The following ECPAS variants were observed in gnomAD, a reference collection of about 807,000 sequenced individuals.
The protein encoded by ECPAS is Ecm29 proteasome adaptor and scaffold, also known as proteasome adapter and scaffold protein ECM29.
ECPAS carries 70 observed loss-of-function variants against 255.1 expected under a neutral mutation model. The observed-to-expected ratio is 0.27, with a 90% CI of 0.23 to 0.33. The LOEUF (loss-of-function observed/expected upper bound fraction) is 0.33, where lower values mean the gene tolerates loss of function less well. Among genes scored for constraint, ECPAS ranks in the 10% least tolerant of loss-of-function variants. ECPAS has a pLI of 1.00. For synonymous variants in ECPAS, 784 were observed against 775.0 expected (o/e 1.01, Z -0.19); for missense variants, 1,817 against 2,206.4 (o/e 0.82, Z 3.54).
intron 7 of ECPAS, among the ~76,000 whole-genome samples, chr9:111,435,427 T>C (rs1037162033): frequency 1.3e-5 from 2 of 152,142 alleles, no homozygotes; most frequent in Non-Finnish European, 1.5e-5. Context: ...CAATTTAAGA[T>C]TGTAATTGAA....
Position 111,414,490 on chromosome 9 carries a change from C to G in ECPAS, c.1926G>C (p.Gly642=). 1 of 1,613,858 alleles carries G rather than the reference C, an allele frequency of 6.2e-7. No individual in the cohort carries two copies. Among genetic ancestry groups the G allele is most frequent in the Non-Finnish European group, 8.5e-7 (1 of 1,179,828 alleles). The part of the protein sequence containing the change: ...QMAPSSSNKS[G]ETNPVQIYIG... The stretch of plus-strand genomic sequence containing the variant: ...TGTAGATCTGGACAGGGTTAGTCTC[C>G]CCACTCTTGTTAGATGATGAGGGTG... The change falls in exon 19 of 50, where the codon GGG becomes GGC. Residue 642 remains glycine (G), a synonymous_variant. Coordinates refer to ENST00000684092, the MANE Select transcript of ECPAS (RefSeq NM_001364929.1).
intron 26 of ECPAS, 78 bp downstream of exon 26, chr9:111,394,082 C>A: frequency 7.4e-7 from 1 of 1,354,842 alleles, no homozygotes; most frequent in Non-Finnish European, 9.9e-7. Context: ...GGTTAATGAC[C>A]TTCACCCTCA....
intron 25 of ECPAS, among the ~76,000 whole-genome samples, chr9:111,395,132 C>G (rs764395504): frequency 6.6e-6 from 1 of 152,156 alleles, no homozygotes; most frequent in Non-Finnish European, 1.5e-5. Context: ...CCTCATTGAT[C>G]ACATTACTCC....
At chr9:111,395,944 A>T (rs374219514) in intron 25 of ECPAS, among the ~76,000 whole-genome samples, 22 of 152,338 alleles carry the variant, frequency 1.4e-4, no homozygotes, top group African/African-American at 5.3e-4. Flanking sequence ...AACTCTCATT[A>T]CAGTGCAAGC....
intron 4 of ECPAS, among the ~76,000 whole-genome samples, chr9:111,443,927 C>A (rs931192960): frequency 9.2e-5 from 14 of 152,188 alleles, no homozygotes; most frequent in African/African-American, 3.1e-4. Flanking sequence ...TAAAAAAGAT[C>A]TTTCTGAATA....
chr9:111,394,232 T>C lies in ECPAS; in HGVS notation c.2850A>G (p.Pro950=), dbSNP rs1206826780. ...ILNKHIISPN[P]HVRQAACIWL... is the part of the protein sequence containing the mutation. ...AGATGCAGGCTGCTTGCCTCACGTGTGGGTTGGGGCTGATGATATGTTTAT... is the reference window on the plus strand; with the variant it reads ...AGATGCAGGCTGCTTGCCTCACGTGCGGGTTGGGGCTGATGATATGTTTAT... The change falls in exon 26 of 50, where the codon CCA becomes CCG. Residue 950 remains proline (P), a synonymous_variant. Transcript: ENST00000684092. 13 of 1,608,856 alleles carry C rather than the reference T, an allele frequency of 8.1e-6. No homozygotes were observed. Among genetic ancestry groups the C allele is most frequent in the Non-Finnish European group, 1.0e-5 (12 of 1,177,374 alleles).
In ECPAS at chr9:111,368,968, G is replaced by GA. The variant is rs541807645; in HGVS notation, c.5113+66dup. On this transcript the variant is annotated intron_variant, in intron 46 of 49. Coordinates refer to ENST00000684092, the MANE Select transcript of ECPAS (RefSeq NM_001364929.1). ...AACAATAACTATAATTTGTCATAGAGAAAATTCTTCGCTCTCATTAAGTAA... is the reference window on the plus strand; with the variant it reads ...AACAATAACTATAATTTGTCATAGAGAAAAATTCTTCGCTCTCATTAAGTAA... The GA allele has an allele frequency of 1.1e-3, 1,483 of 1,375,850 alleles. 2 individuals carry two copies. The highest frequency in any genetic ancestry group is 1.3e-3 in the Non-Finnish European group (1,384 of 1,030,074). 85.2% of individuals were successfully genotyped at this position (1,375,850 alleles called of 1,614,324 possible).
intron 2 of ECPAS, among the ~76,000 whole-genome samples, chr9:111,455,848 G>A (rs766338542): frequency 1.1e-4 from 17 of 152,136 alleles, no homozygotes; most frequent in Non-Finnish European, 1.2e-4. Context: ...GCTTGCACCT[G>A]GTTTCCTCCA....
At chr9:111,414,282 T>A (rs1329284326) in intron 19 of ECPAS, 147 bp downstream of exon 19, 1 of 703,508 alleles carries the variant, frequency 1.4e-6, no homozygotes, top group Non-Finnish European at 2.3e-6. Flanking sequence ...GTATCCAGAA[T>A]GAATCAGGTA....
At chr9:111,425,898 A>G in intron 10 of ECPAS, 70 bp from the exon 11 acceptor site, 1 of 745,884 alleles carries the variant, frequency 1.3e-6, no homozygotes, top group Non-Finnish European at 2.2e-6. Flanking sequence ...AATAGTAATC[A>G]GAATTCAGCA....
chr9:111,478,975 G>A (rs1017305062), intron 1 of ECPAS, among the ~76,000 whole-genome samples: 4 of 152,134 alleles, frequency 2.6e-5, no homozygotes, highest in African/African-American at 9.7e-5. Flanking sequence ...GATTTGAACT[G>A]TTCATCATAC....
chr9:111,467,102 A>G (rs1374506075), intron 2 of ECPAS, among the ~76,000 whole-genome samples: 3 of 152,216 alleles, frequency 2.0e-5, no homozygotes, highest in Non-Finnish European at 4.4e-5. Context: ...TTAGGGAGGA[A>G]AAGCTATTTT....
intron 34 of ECPAS, 65 bp from the exon 35 acceptor site, chr9:111,383,397 C>T: frequency 3.3e-6 from 5 of 1,534,182 alleles, no homozygotes; most frequent in Non-Finnish European, 4.4e-6. Flanking sequence ...ATTCATCTGA[C>T]AAAAGACTTT....
At chr9:111,371,169 T>C (rs961667160) in intron 43 of ECPAS, among the ~76,000 whole-genome samples, 3 of 152,144 alleles carry the variant, frequency 2.0e-5, no homozygotes, top group African/African-American at 7.2e-5. Flanking sequence ...TTAAGAATCC[T>C]ACTAAAGCTC....
intron 46 of ECPAS, among the ~76,000 whole-genome samples, chr9:111,368,061 G>A (rs1044803922): frequency 6.8e-6 from 1 of 147,356 alleles, no homozygotes; most frequent in Non-Finnish European, 1.5e-5. Context: ...AAAAAAAAAC[G>A]AATACTAAGA....
chr9:111,382,089 T>TCA, intron 35 of ECPAS, among the ~76,000 whole-genome samples: 1 of 151,746 alleles, frequency 6.6e-6, no homozygotes, highest in South Asian at 2.1e-4. Context: ...TCCTATTCCA[T>TCA]CACATCACCA....
intron 12 of ECPAS, among the ~76,000 whole-genome samples, chr9:111,424,021 A>G (rs1163825751): frequency 2.0e-5 from 3 of 152,160 alleles, no homozygotes; most frequent in Non-Finnish European, 4.4e-5. Flanking sequence ...GGCCTCTCTA[A>G]CTTACATTTA....
chr9:111,468,718 C>A (rs1564566664), intron 2 of ECPAS, among the ~76,000 whole-genome samples: 1 of 133,338 alleles, frequency 7.5e-6, no homozygotes, highest in Non-Finnish European at 1.7e-5. Flanking sequence ...CACGTCCAAG[C>A]TGAAACATTT....
intron 3 of ECPAS, among the ~76,000 whole-genome samples, chr9:111,449,490 T>C (rs1267146373): frequency 6.6e-6 from 1 of 151,958 alleles, no homozygotes; most frequent in Non-Finnish European, 1.5e-5. Context: ...CAAATATACA[T>C]AATAAAATTT....
Sources: allele counts gnomAD v4.1 joint callset (sites outside exome capture counted in the v4.1 genomes callset), GRCh38; gene constraint gnomAD v4.1.1; transcripts MANE v1.5; gene names NCBI Gene and HGNC (gene_info 2026-07-23, HGNC 2026-07-21).